Variants in HIP1 observed in about 807,000 individuals in gnomAD.
HIP1 encodes the protein huntingtin interacting protein 1.
In HIP1, 65 loss-of-function variants were observed where a neutral mutation model predicts 147.6. That is an observed-to-expected ratio of 0.44 (90% CI 0.36 to 0.54). The LOEUF is 0.54. Ranked by LOEUF, HIP1 falls within the 20% of genes least tolerant of loss-of-function variation. The pLI is 0.00. For missense variants in HIP1, 1,061 were observed against 1,299.6 expected (o/e 0.82, Z 2.82); for synonymous variants, 479 against 504.0 (o/e 0.95, Z 0.67).
rs587771700 is a variant in HIP1, at chr7:75,596,033, G to C, written c.184+3151C>G. Among the ~76,000 whole-genome samples, 8 of 152,180 alleles carry C rather than the reference G, an allele frequency of 5.3e-5. No individual in the cohort carries two copies. In the East Asian group the frequency reaches 1.4e-3, roughly 26 times the overall value. On this transcript the variant is annotated intron_variant, in intron 2 of 30. Transcript: ENST00000336926. ...GGGAGGACTGCTTGAGCCTAGCTAGGAGTTCAAGACCAGCCTGGGCCACAG... is the reference window on the plus strand; with the variant it reads ...GGGAGGACTGCTTGAGCCTAGCTAGCAGTTCAAGACCAGCCTGGGCCACAG...
At chr7:75,586,882 T>C (rs782732275) in intron 4 of HIP1, 49 bp from the exon 5 acceptor site, 46 of 1,102,442 alleles carry the variant, frequency 4.2e-5, no homozygotes, top group Non-Finnish European at 6.1e-5. Flanking sequence ...AACATAACAG[T>C]CAAGAGATCT....
At chr7:75,564,040 C>G (rs1415219282) in intron 9 of HIP1, among the ~76,000 whole-genome samples, 1 of 152,048 alleles carries the variant, frequency 6.6e-6, no homozygotes, top group Non-Finnish European at 1.5e-5. Flanking sequence ...TACAGGGATG[C>G]ACCACCATGC....
In HIP1 at chr7:75,557,739, G is replaced by T; in HGVS notation, c.1496C>A (p.Ala499Asp). 6.2e-7 allele frequency: 1 copy of T among 1,613,982 alleles called. No homozygotes were observed. Among genetic ancestry groups the T allele is most frequent in the Non-Finnish European group, 8.5e-7 (1 of 1,179,934 alleles). The part of the protein sequence containing the change: ...NAEVTKQVSM[A>D]RQAQVDLERE... ...TTCCAAATCTACCTGGGCTTGTCTG[G>T]CCATGGACACCTGTTTGGTCACCTC... Residue 499 changes from alanine (A) to aspartate (D), a missense_variant, in exon 16 of 31, where the codon GCC becomes GAC. Physicochemically the swap from Ala to Asp is moderately radical, Grantham distance 126. Transcript: ENST00000336926.
intron 1 of HIP1, among the ~76,000 whole-genome samples, chr7:75,629,531 G>A (rs940860353): frequency 6.8e-6 from 1 of 146,264 alleles, no homozygotes; most frequent in Admixed American, 7.0e-5. Flanking sequence ...CTTCAATTGC[G>A]GCTCCCCCGC....
intron 1 of HIP1, among the ~76,000 whole-genome samples, chr7:75,722,128 A>AC (rs144877642): frequency 0.014 from 2,087 of 151,478 alleles, 43 homozygotes; most frequent in African/African-American, 0.046. Context: ...ACATAGTGAG[A>AC]CCCCCCCACG....
intron 6 of HIP1, 73 bp from the exon 7 acceptor site, chr7:75,581,371 C>G: frequency 9.7e-7 from 1 of 1,030,504 alleles, no homozygotes; most frequent in Non-Finnish European, 1.5e-6. Context: ...CTCCCCCACG[C>G]TCTACGCTAC....
Position 75,592,130 on chromosome 7 carries a change from C to T in HIP1, c.328-18G>A, listed in dbSNP as rs1796519758. ...TTCAGGACCTGCAGGGGCAAAAGAA[C>T]AGCCTGTGAGAGAATGGAGAAGGAA... On this transcript the variant is annotated intron_variant, in intron 3 of 30. Coordinates refer to ENST00000336926, the MANE Select transcript of HIP1 (RefSeq NM_005338.7). The T allele has an allele frequency of 1.3e-5, 21 of 1,609,608 alleles. No homozygotes were observed. The highest frequency in any genetic ancestry group is 1.7e-5 in the Non-Finnish European group (20 of 1,176,014).
intron 2 of HIP1, among the ~76,000 whole-genome samples, chr7:75,593,167 C>T (rs797026645): frequency 3.3e-5 from 5 of 152,228 alleles, no homozygotes; most frequent in African/African-American, 1.2e-4. Context: ...TGAGATCTTG[C>T]TATGTTGCCC....
intron 1 of HIP1, among the ~76,000 whole-genome samples, chr7:75,647,782 A>G (rs1443880094): frequency 1.3e-5 from 2 of 152,230 alleles, no homozygotes; most frequent in Non-Finnish European, 2.9e-5. Flanking sequence ...GGCACCATGC[A>G]CTTGCACATG....
intron 21 of HIP1, 29 bp downstream of exon 21, chr7:75,554,084 T>C: frequency 6.4e-7 from 1 of 1,565,744 alleles, no homozygotes; most frequent in Non-Finnish European, 8.8e-7. Context: ...CCCTGGTCCA[T>C]GAACAGCCCC....
chr7:75,581,949 C>G (rs893852697), intron 6 of HIP1, 126 bp downstream of exon 6: 3 of 716,670 alleles, frequency 4.2e-6, no homozygotes, highest in Non-Finnish European at 7.2e-6. Flanking sequence ...GGCCAAGTCA[C>G]CCAGGGGCTT....
intron 1 of HIP1, among the ~76,000 whole-genome samples, chr7:75,639,387 C>T (rs536152930): frequency 5.7e-4 from 86 of 151,070 alleles, no homozygotes; most frequent in African/African-American, 1.9e-3. Flanking sequence ...ATCCCGGAAT[C>T]AGCTGGCGGG....
chr7:75,538,625 A>AGTGCAGTG (rs1794178632), intron 30 of HIP1, among the ~76,000 whole-genome samples: 1 of 129,066 alleles, frequency 7.7e-6, no homozygotes, highest in African/African-American at 3.0e-5. Flanking sequence ...CCCAGGCTGG[A>AGTGCAGTG]GTGCAGTGGC....
At chr7:75,591,404 T>C (rs1796497135) in intron 4 of HIP1, among the ~76,000 whole-genome samples, 1 of 152,024 alleles carries the variant, frequency 6.6e-6, no homozygotes, top group Non-Finnish European at 1.5e-5. Flanking sequence ...TCTGGGGTGA[T>C]TGTGGTGTGT....
intron 1 of HIP1, among the ~76,000 whole-genome samples, chr7:75,737,327 G>GA (rs1364760462): frequency 1.3e-5 from 2 of 151,894 alleles, no homozygotes; most frequent in Non-Finnish European, 2.9e-5. Context: ...CTCTGGGGGT[G>GA]AAAAGCTTTA....
At chr7:75,559,539 C>G (rs1202499867) in intron 14 of HIP1, among the ~76,000 whole-genome samples, 193 bp downstream of exon 14, 1 of 152,180 alleles carries the variant, frequency 6.6e-6, no homozygotes. Context: ...AGCGGTGCCT[C>G]GCACACAGCT....
intron 22 of HIP1, among the ~76,000 whole-genome samples, chr7:75,552,490 C>T (rs1349511847): frequency 2.0e-5 from 3 of 151,410 alleles, no homozygotes; most frequent in Non-Finnish European, 2.9e-5. Flanking sequence ...GCTGGGACTA[C>T]AGGTGCGTGA....
At chr7:75,602,088 C>G (rs1468868333) in intron 1 of HIP1, among the ~76,000 whole-genome samples, 1 of 151,706 alleles carries the variant, frequency 6.6e-6, no homozygotes, top group Non-Finnish European at 1.5e-5. Context: ...GCAAACTCCG[C>G]CTCCTGGGTT....
At chr7:75,561,955 T>C in intron 12 of HIP1, 118 bp downstream of exon 12, 1 of 681,288 alleles carries the variant, frequency 1.5e-6, no homozygotes, top group African/African-American at 1.8e-5. Flanking sequence ...CCCTTCAAGA[T>C]GTTCTGTATC....
Sources: gnomAD v4.1 joint callset for allele counts (sites outside exome capture counted in the v4.1 genomes callset) on GRCh38, gnomAD v4.1.1 for gene constraint, MANE v1.5 for transcripts, NCBI Gene and HGNC (gene_info 2026-07-23, HGNC 2026-07-21) for gene names.